TRIM44: variants seen among roughly 807,000 people sequenced by gnomAD.
TRIM44 encodes the protein tripartite motif-containing protein 44.
Under a neutral mutation model 37.4 loss-of-function variants are expected in TRIM44, and 13 were observed. That is an observed-to-expected ratio of 0.35 (90% CI 0.23 to 0.55). The LOEUF is 0.55. Among genes scored for constraint, TRIM44 ranks in the 20% least tolerant of loss-of-function variants. TRIM44 has a pLI of 0.89. For missense variants in TRIM44, 426 were observed against 437.2 expected (o/e 0.97, Z 0.23); for synonymous variants, 175 against 157.2 (o/e 1.11, Z -0.85).
At position 35,694,044 on chromosome 11, in the gene TRIM44, A is replaced by G. The variant is rs138442250; in HGVS notation, c.747+8708A>G. 2.1e-4 allele frequency among the ~76,000 whole-genome samples: 32 copies of G among 152,320 alleles called. No individual in the cohort carries two copies. The East Asian group carries it at 6.0e-3, about 28-fold the overall frequency. Reference sequence around the variant, plus strand: ...ACTCACTTAACTAAGCAGTCTCTTCATTAATCCTCTAAAACTGAATCTCTA... The same window carrying G: ...ACTCACTTAACTAAGCAGTCTCTTCGTTAATCCTCTAAAACTGAATCTCTA... On this transcript the variant is annotated intron_variant, in intron 2 of 4. Coordinates refer to ENST00000299413, the MANE Select transcript of TRIM44 (RefSeq NM_017583.6).
At chr11:35,745,394 C>G (rs1442907230) in intron 4 of TRIM44, among the ~76,000 whole-genome samples, 1 of 151,808 alleles carries the variant, frequency 6.6e-6, no homozygotes, top group Non-Finnish European at 1.5e-5. Context: ...TGTTTAAGTT[C>G]CATGTAGACT....
chr11:35,743,001 C>G (rs899588314), intron 4 of TRIM44, among the ~76,000 whole-genome samples: 1 of 151,642 alleles, frequency 6.6e-6, no homozygotes, highest in African/African-American at 2.4e-5. Flanking sequence ...TATAATGATT[C>G]TCTGAAAAAA....
Position 35,806,497 on chromosome 11 carries a change from A to C in TRIM44, c.*112A>C. ...GCTGCTCAGCAACAAACGTACTTCCACCAGATGTGTCCCCAGATCCACAGC... is the reference window on the plus strand; with the variant it reads ...GCTGCTCAGCAACAAACGTACTTCCCCCAGATGTGTCCCCAGATCCACAGC... On this transcript the variant is annotated 3_prime_UTR_variant, in exon 5 of 5. Transcript: ENST00000299413. The C allele has an allele frequency of 8.6e-7, 1 of 1,160,914 alleles. No individual in the cohort carries two copies. Among genetic ancestry groups the C allele is most frequent in the Admixed American group, 1.7e-5 (1 of 57,698 alleles). The allele number at this position is 1,160,914 out of a possible 1,614,324, so 71.9% of individuals were successfully genotyped here.
At chr11:35,761,220 A>G (rs1036664860) in intron 4 of TRIM44, among the ~76,000 whole-genome samples, 9 of 152,128 alleles carry the variant, frequency 5.9e-5, no homozygotes, top group African/African-American at 1.9e-4. Context: ...TTGATTCCAC[A>G]TCTTGGCTAT....
chr11:35,726,748 G>A (rs1473073023), intron 3 of TRIM44, among the ~76,000 whole-genome samples: 1 of 151,714 alleles, frequency 6.6e-6, no homozygotes, highest in East Asian at 1.9e-4. Context: ...ACAAATGTTA[G>A]TTGTCATATT....
chr11:35,663,576 A>G lies in TRIM44; in HGVS notation c.465A>G (p.Gly155=). 6.2e-7 allele frequency: 1 copy of G among 1,614,108 alleles called. No homozygotes were observed. Among genetic ancestry groups the G allele is most frequent in the Non-Finnish European group, 8.5e-7 (1 of 1,180,012 alleles). ...NQEEGESEAE[G]ETEAESEFDP... Reference sequence around the variant, plus strand: ...AAGAAGGGGAATCCGAGGCGGAGGGAGAAACTGAGGCAGAAAGTGAATTTG... The same window carrying G: ...AAGAAGGGGAATCCGAGGCGGAGGGGGAAACTGAGGCAGAAAGTGAATTTG... Residue 155 remains glycine, a synonymous_variant, in exon 1 of 5, where the codon GGA becomes GGG. Transcript: ENST00000299413.
chr11:35,792,559 G>A (rs1297924538), intron 4 of TRIM44, among the ~76,000 whole-genome samples: 4 of 152,216 alleles, frequency 2.6e-5, no homozygotes, highest in African/African-American at 7.2e-5. Flanking sequence ...TTACCTTGAA[G>A]GTTTACCTTC....
intron 4 of TRIM44, among the ~76,000 whole-genome samples, chr11:35,742,486 T>G (rs34697610): frequency 7.4e-6 from 1 of 135,848 alleles, no homozygotes; most frequent in South Asian, 2.2e-4. Flanking sequence ...ATATTAATTG[T>G]ATTATATATA....
intron 2 of TRIM44, among the ~76,000 whole-genome samples, chr11:35,687,532 G>C (rs995653254): frequency 6.6e-6 from 1 of 152,210 alleles, no homozygotes; most frequent in Non-Finnish European, 1.5e-5. Flanking sequence ...TGTTCTGCAG[G>C]AGACAACCAT....
intron 2 of TRIM44, among the ~76,000 whole-genome samples, chr11:35,707,043 C>G (rs867309010): frequency 1.3e-5 from 2 of 152,146 alleles, no homozygotes; most frequent in East Asian, 3.8e-4. Flanking sequence ...TCTCCTTAAG[C>G]TGATAAGCAA....
rs377184015 is a variant in TRIM44 at position 35,812,446 on chromosome 11, C to T, written c.*6061C>T. On this transcript the variant is annotated 3_prime_UTR_variant, in exon 5 of 5. Coordinates refer to ENST00000299413, the MANE Select transcript of TRIM44 (RefSeq NM_017583.6). ...TATGTTAATAAGAGCTGTCACTTAG[C>T]TCTTTCTCTGGGCCAGGTACTCTCC... 1.1e-4 allele frequency: 17 copies of T among 152,294 alleles called. No individual in the cohort carries two copies. In the East Asian group the frequency reaches 1.2e-3, roughly 10 times the overall value. 9.4% of individuals were successfully genotyped at this position (152,294 alleles called of 1,614,324 possible). A position where few individuals can be genotyped will look rare whatever the true frequency, so the allele number is the denominator to read the frequency against.
chr11:35,672,902 G>A (rs1251245246), intron 1 of TRIM44, among the ~76,000 whole-genome samples: 2 of 152,172 alleles, frequency 1.3e-5, no homozygotes, highest in Non-Finnish European at 2.9e-5. Context: ...TTATTTATTT[G>A]TACAGAATAA....
intron 2 of TRIM44, among the ~76,000 whole-genome samples, chr11:35,702,716 AT>A (rs1279637867): frequency 1.2e-4 from 18 of 152,238 alleles, no homozygotes; most frequent in African/African-American, 4.3e-4. Flanking sequence ...GGCTAAAAAA[AT>A]TTCATTAACA....
At chr11:35,771,876 G>GCC (rs2133866198) in intron 4 of TRIM44, among the ~76,000 whole-genome samples, 1 of 152,278 alleles carries the variant, frequency 6.6e-6, no homozygotes, top group Admixed American at 6.5e-5. Context: ...CATAAGGGGA[G>GCC]CCGAATGTTA....
intron 1 of TRIM44, among the ~76,000 whole-genome samples, chr11:35,668,010 C>G (rs111305402): frequency 7.9e-5 from 12 of 152,166 alleles, no homozygotes; most frequent in African/African-American, 2.9e-4. Flanking sequence ...TATTCTTTCT[C>G]TCTTTTAATG....
At chr11:35,784,042 G>T (rs532010229) in intron 4 of TRIM44, among the ~76,000 whole-genome samples, 1 of 152,256 alleles carries the variant, frequency 6.6e-6, no homozygotes, top group South Asian at 2.1e-4. Context: ...GAGGCCTACT[G>T]GGGAGCAGAA....
chr11:35,676,209 A>G (rs942962744), intron 1 of TRIM44, among the ~76,000 whole-genome samples: 2 of 152,194 alleles, frequency 1.3e-5, no homozygotes, highest in Admixed American at 1.3e-4. Flanking sequence ...ATAGATGTAA[A>G]GAGTTTAGCA....
intron 1 of TRIM44, among the ~76,000 whole-genome samples, chr11:35,677,630 T>G (rs971014824): frequency 3.3e-5 from 5 of 152,188 alleles, no homozygotes; most frequent in Admixed American, 6.6e-5. Flanking sequence ...AAGATAATTT[T>G]ATATATTATT....
chr11:35,777,740 T>C (rs1473672024), intron 4 of TRIM44, among the ~76,000 whole-genome samples: 3 of 152,196 alleles, frequency 2.0e-5, no homozygotes, highest in Admixed American at 2.0e-4. Flanking sequence ...GATATGAAAT[T>C]CTGGGTTGAA....
Sources: gnomAD v4.1 joint callset for allele counts (sites outside exome capture counted in the v4.1 genomes callset) on GRCh38, gnomAD v4.1.1 for gene constraint, MANE v1.5 for transcripts, NCBI Gene and HGNC (gene_info 2026-07-23, HGNC 2026-07-21) for gene names.